SRSF10: variants seen among roughly 807,000 people sequenced by gnomAD.
The protein encoded by SRSF10 is serine and arginine rich splicing factor 10.
In SRSF10, 9 loss-of-function variants were observed where a neutral mutation model predicts 32.6. The observed-to-expected ratio is 0.28, with a 90% CI of 0.17 to 0.48. The LOEUF (loss-of-function observed/expected upper bound fraction) is 0.48, where lower values mean the gene tolerates loss of function less well. Ranked by LOEUF, SRSF10 falls within the 20% of genes least tolerant of loss-of-function variation. The probability of loss-of-function intolerance (pLI) is 0.99; values close to 1 mark genes in which losing one functional copy is unlikely to be tolerated. For missense variants in SRSF10, 201 were observed against 331.8 expected (o/e 0.61, Z 3.06); for synonymous variants, 105 against 112.4 (o/e 0.93, Z 0.42).
At position 23,980,276 on chromosome 1, in the gene SRSF10, G is replaced by A. The variant is rs774963269; in HGVS notation, c.-21C>T. 1.8e-4 allele frequency: 268 copies of A among 1,472,412 alleles called. No individual in the cohort carries two copies. The highest frequency in any genetic ancestry group is 5.3e-4 in the Middle Eastern group (3 of 5,658). The allele number at this position is 1,472,412 out of a possible 1,614,324, so 91.2% of individuals were successfully genotyped here. ...GACATGGCGGCGGCGTGTCTCGGCC[G>A]GGCGCACTAACGGGCTCAGCAAACC... is the stretch of plus-strand genomic sequence containing the variant. On this transcript the variant is annotated 5_prime_UTR_variant, in exon 1 of 6. Coordinates refer to ENST00000492112, the MANE Select transcript of SRSF10 (RefSeq NM_054016.4).
Position 23,969,472 on chromosome 1 carries a change from C to T in SRSF10, c.*1670G>A. 1 of 985,428 alleles carries T rather than the reference C, an allele frequency of 1.0e-6. No individual in the cohort carries two copies. Among genetic ancestry groups the T allele is most frequent in the Non-Finnish European group, 1.2e-6 (1 of 829,840 alleles). 61.0% of individuals were successfully genotyped at this position (985,428 alleles called of 1,614,324 possible). On this transcript the variant is annotated 3_prime_UTR_variant, in exon 6 of 6. Coordinates refer to ENST00000492112, the MANE Select transcript of SRSF10 (RefSeq NM_054016.4). ...AATATACAAAGGTTCTAGAATCAATCCTTTAAACACATTCCACAAACAGTA... is the reference window on the plus strand; with the variant it reads ...AATATACAAAGGTTCTAGAATCAATTCTTTAAACACATTCCACAAACAGTA...
At chr1:23,973,063 G>A (rs1431723843) in intron 3 of SRSF10, among the ~76,000 whole-genome samples, 1 of 152,156 alleles carries the variant, frequency 6.6e-6, no homozygotes, top group African/African-American at 2.4e-5. Context: ...CTGTTTTAGA[G>A]GTGTCTGTAG....
rs1273041928 is a variant in SRSF10, at chr1:23,970,604, C to G, written c.*538G>C. On this transcript the variant is annotated 3_prime_UTR_variant, in exon 6 of 6. Coordinates refer to ENST00000492112, the MANE Select transcript of SRSF10 (RefSeq NM_054016.4). ...TCGAACTCCTGACCTCGTGATCCGCCCGCCTCGGCCTCCCAAAGTGCTGGG... is the reference window on the plus strand; with the variant it reads ...TCGAACTCCTGACCTCGTGATCCGCGCGCCTCGGCCTCCCAAAGTGCTGGG... The G allele has an allele frequency of 1.0e-5, 9 of 899,562 alleles. No homozygotes were observed. The highest frequency in any genetic ancestry group is 1.2e-5 in the Non-Finnish European group (9 of 751,866). 55.7% of individuals were successfully genotyped at this position (899,562 alleles called of 1,614,324 possible). A position where few individuals can be genotyped will look rare whatever the true frequency, so the allele number is the denominator to read the frequency against.
chr1:23,975,153 C>G, intron 2 of SRSF10, 76 bp from the exon 3 acceptor site: 9 of 1,108,536 alleles, frequency 8.1e-6, no homozygotes, highest in Non-Finnish European at 1.2e-5. Context: ...ATGTCTGGAA[C>G]AATTCACAAT....
At chr1:23,978,569 TGA>T in intron 2 of SRSF10, 142 bp downstream of exon 2, 2 of 1,048,448 alleles carry the variant, frequency 1.9e-6, no homozygotes. Flanking sequence ...GAGCAATGTG[TGA>T]GTCAGAATTA....
At position 23,967,767 on chromosome 1, in the gene SRSF10, C is replaced by T; in HGVS notation, c.*3375G>A. The T allele has an allele frequency of 6.2e-7, 1 of 1,608,216 alleles. No homozygotes were observed. The highest frequency in any genetic ancestry group is 1.3e-5 in the African/African-American group (1 of 74,766). On this transcript the variant is annotated 3_prime_UTR_variant, in exon 6 of 6. Transcript: ENST00000492112. The stretch of plus-strand genomic sequence containing the variant: ...GTTTGTCAGTTTGGTTTCCTTTATT[C>T]TTCTCTGTGGTATACAGGATTTTGT...
In SRSF10 at chr1:23,969,823, T is replaced by C; in HGVS notation, c.*1319A>G. On this transcript the variant is annotated 3_prime_UTR_variant, in exon 6 of 6. Transcript: ENST00000492112. ...TCTTGCTTAAAACTGACTAATCCTT[T>C]TCCCCAAATTACCTTAAATTTCATG... is the stretch of plus-strand genomic sequence containing the variant. 1.0e-6 allele frequency: 1 copy of C among 985,392 alleles called. No individual in the cohort carries two copies. The highest frequency in any genetic ancestry group is 1.7e-5 in the African/African-American group (1 of 57,334). The allele number at this position is 985,392 out of a possible 1,614,324, so 61.0% of individuals were successfully genotyped here. A position where few individuals can be genotyped will look rare whatever the true frequency, so the allele number is the denominator to read the frequency against.
rs1428772593 is a variant in SRSF10 at position 23,965,176 on chromosome 1, T to C, written c.*5966A>G. ...CAAGTCATCCTATCTAAAATGAGAA[T>C]AGTTCATGCCTAGGATAGGCTAACT... is the stretch of plus-strand genomic sequence containing the variant. On this transcript the variant is annotated 3_prime_UTR_variant, in exon 6 of 6. Coordinates refer to ENST00000492112, the MANE Select transcript of SRSF10 (RefSeq NM_054016.4). The C allele has an allele frequency of 6.6e-6, 1 of 152,032 alleles. No homozygotes were observed. Among genetic ancestry groups the C allele is most frequent in the Non-Finnish European group, 1.5e-5 (1 of 67,856 alleles). 9.4% of individuals were successfully genotyped at this position (152,032 alleles called of 1,614,324 possible).
Position 23,967,605 on chromosome 1 carries a change from C to T in SRSF10, c.*3537G>A. 1 of 972,108 alleles carries T rather than the reference C, an allele frequency of 1.0e-6. No homozygotes were observed. The highest frequency in any genetic ancestry group is 2.4e-5 in the East Asian group (1 of 41,756). The allele number at this position is 972,108 out of a possible 1,614,324, so 60.2% of individuals were successfully genotyped here. A position where few individuals can be genotyped will look rare whatever the true frequency, so the allele number is the denominator to read the frequency against. The stretch of plus-strand genomic sequence containing the variant: ...TATTCGTACAGTATTCATACTGCAG[C>T]ACCTTCCACCCACCCTTTGGTCGCT... On this transcript the variant is annotated 3_prime_UTR_variant, in exon 6 of 6. Transcript: ENST00000492112.
intron 1 of SRSF10, 35 bp from the exon 2 acceptor site, chr1:23,978,852 T>C (rs1477483150): frequency 1.3e-6 from 2 of 1,574,370 alleles, no homozygotes; most frequent in East Asian, 2.3e-5. Flanking sequence ...AATTTTTATG[T>C]CCAAGTCCTT....
Position 23,970,720 on chromosome 1 carries a change from C to CA in SRSF10, c.*421dup, listed in dbSNP as rs942044562. The CA allele has an allele frequency of 3.1e-5, 31 of 991,418 alleles. No homozygotes were observed. The highest frequency in any genetic ancestry group is 5.9e-5 in the Admixed American group (1 of 16,836). 61.4% of individuals were successfully genotyped at this position (991,418 alleles called of 1,614,324 possible). A position where few individuals can be genotyped will look rare whatever the true frequency, so the allele number is the denominator to read the frequency against. ...CTGAACCTAAATGTGTCTGAGCAGT[C>CA]AGTGTTGTACTGTGGCTACTACTTC... On this transcript the variant is annotated 3_prime_UTR_variant, in exon 6 of 6. Transcript: ENST00000492112.
intron 2 of SRSF10, chr1:23,977,539 C>T (rs1642164343): frequency 6.6e-6 from 1 of 152,128 alleles, no homozygotes; most frequent in Non-Finnish European, 1.5e-5. Context: ...GTGGTTCTGA[C>T]CCTACAAGAC....
At chr1:23,973,100 C>T (rs1038146138) in intron 3 of SRSF10, among the ~76,000 whole-genome samples, 15 of 152,100 alleles carry the variant, frequency 9.9e-5, no homozygotes, top group Non-Finnish European at 1.8e-4. Context: ...AGATGCAGAA[C>T]GTGATTTAGC....
In SRSF10 at chr1:23,980,280, G is replaced by A. The variant is rs1642383482; in HGVS notation, c.-25C>T. 46 of 1,453,474 alleles carry A rather than the reference G, an allele frequency of 3.2e-5. No individual in the cohort carries two copies. The highest frequency in any genetic ancestry group is 3.8e-5 in the Non-Finnish European group (42 of 1,096,734). 90.0% of individuals were successfully genotyped at this position (1,453,474 alleles called of 1,614,324 possible). On this transcript the variant is annotated 5_prime_UTR_variant, in exon 1 of 6. Coordinates refer to ENST00000492112, the MANE Select transcript of SRSF10 (RefSeq NM_054016.4). ...TGGCGGCGGCGTGTCTCGGCCGGGCGCACTAACGGGCTCAGCAAACCGTCC... is the reference window on the plus strand; with the variant it reads ...TGGCGGCGGCGTGTCTCGGCCGGGCACACTAACGGGCTCAGCAAACCGTCC...
In SRSF10 at chr1:23,965,843, A is replaced by ATT. The variant is rs1398901399; in HGVS notation, c.*5298_*5299insAA. On this transcript the variant is annotated 3_prime_UTR_variant, in exon 6 of 6. Coordinates refer to ENST00000492112, the MANE Select transcript of SRSF10 (RefSeq NM_054016.4). Reference sequence around the variant, plus strand: ...ATATGCACCTTAATTCTCCCCCTTAAATGTCTTAACTTCAAAAGGAAATGG... The same window carrying ATT: ...ATATGCACCTTAATTCTCCCCCTTAATTATGTCTTAACTTCAAAAGGAAATGG... 1.3e-5 allele frequency: 2 copies of ATT among 151,884 alleles called. No homozygotes were observed. Among genetic ancestry groups the ATT allele is most frequent in the African/African-American group, 4.8e-5 (2 of 41,410 alleles). The allele number at this position is 151,884 out of a possible 1,614,324, so 9.4% of individuals were successfully genotyped here. A position where few individuals can be genotyped will look rare whatever the true frequency, so the allele number is the denominator to read the frequency against.
chr1:23,975,053 T>C lies in SRSF10; in HGVS notation c.195A>G (p.Glu65=). The C allele has an allele frequency of 6.2e-7, 1 of 1,614,014 alleles. No homozygotes were observed. Among genetic ancestry groups the C allele is most frequent in the Admixed American group, 1.7e-5 (1 of 60,018 alleles). Residue 65 remains glutamate (E), a synonymous_variant, in exon 3 of 6, where the codon GAA becomes GAG. Coordinates refer to ENST00000492112, the MANE Select transcript of SRSF10 (RefSeq NM_054016.4). The part of the protein sequence containing the change: ...YVQFEDVRDA[E]DALHNLDRKW... ...TTCTGTCCAAATTATGTAAAGCGTC[T>C]TCAGCATCACGAACATCCTCAAATG...
In SRSF10 at chr1:23,970,970, A is replaced by C; in HGVS notation, c.*172T>G. The C allele has an allele frequency of 7.2e-7, 1 of 1,397,350 alleles. No homozygotes were observed. Among genetic ancestry groups the C allele is most frequent in the Non-Finnish European group, 9.3e-7 (1 of 1,080,580 alleles). 86.6% of individuals were successfully genotyped at this position (1,397,350 alleles called of 1,614,324 possible). On this transcript the variant is annotated 3_prime_UTR_variant, in exon 6 of 6. Transcript: ENST00000492112. ...ATAACATTAAACAAACTGGACTCTT[A>C]AGAGTGGCTTCTCAACAGCATATCA...
Position 23,971,022 on chromosome 1 carries a change from A to C in SRSF10, c.*120T>G. The C allele has an allele frequency of 1.3e-6, 2 of 1,497,044 alleles. No homozygotes were observed. The highest frequency in any genetic ancestry group is 1.8e-6 in the Non-Finnish European group (2 of 1,130,274). The allele number at this position is 1,497,044 out of a possible 1,614,324, so 92.7% of individuals were successfully genotyped here. ...TTTAATTATAACCATTGCCTGGTAC[A>C]GGGAAAACTAACAAGTGTTTTTTAA... On this transcript the variant is annotated 3_prime_UTR_variant, in exon 6 of 6. Transcript: ENST00000492112.
intron 2 of SRSF10, chr1:23,976,275 T>C (rs6674323): frequency 0.99 from 150,710 of 152,294 alleles, 74,587 homozygotes; most frequent in East Asian, 1. Flanking sequence ...TACTGGTATT[T>C]TTTTATTATA....
Sources: allele counts gnomAD v4.1 joint callset (sites outside exome capture counted in the v4.1 genomes callset), GRCh38; gene constraint gnomAD v4.1.1; transcripts MANE v1.5; gene names NCBI Gene and HGNC (gene_info 2026-07-23, HGNC 2026-07-21).